The following TGM7 variants were observed in gnomAD, a reference collection of about 807,000 sequenced individuals.
TGM7 encodes the protein transglutaminase 7.
In TGM7, 74 loss-of-function variants were observed where a neutral mutation model predicts 79.5. The observed-to-expected ratio is 0.93, with a 90% CI of 0.77 to 1.13. The LOEUF is 1.13. Ranked by LOEUF, TGM7 falls within the 50% of genes most tolerant of loss-of-function variation. The pLI, the probability that TGM7 is intolerant of heterozygous loss-of-function variation, is 0.00. For synonymous variants in TGM7, 354 were observed against 362.5 expected, an observed-to-expected ratio of 0.98 and a Z score of 0.27; for missense variants, 912 against 905.9, an observed-to-expected ratio of 1.01 and a Z score of -0.09.
intron 1 of TGM7, among the ~76,000 whole-genome samples, chr15:43,295,472 C>T (rs2042987815): frequency 6.6e-6 from 1 of 152,162 alleles, no homozygotes; most frequent in African/African-American, 2.4e-5. Context: ...TGCCTGTGAT[C>T]CCAGCTTCTT....
At chr15:43,283,342 G>A (rs2042918951) in intron 7 of TGM7, among the ~76,000 whole-genome samples, 1 of 152,324 alleles carries the variant, frequency 6.6e-6, no homozygotes, top group South Asian at 2.1e-4. Flanking sequence ...CTCCCATGTG[G>A]TACGCGATGC....
At chr15:43,296,726 T>C (rs1319122130) in intron 1 of TGM7, among the ~76,000 whole-genome samples, 1 of 152,048 alleles carries the variant, frequency 6.6e-6, no homozygotes, top group Admixed American at 6.6e-5. Flanking sequence ...TTCTCTTAGT[T>C]TGGGAAAGAA....
At chr15:43,292,682 G>A (rs1378905497) in intron 3 of TGM7, 27 bp downstream of exon 3, 1 of 1,612,088 alleles carries the variant, frequency 6.2e-7, no homozygotes, top group Non-Finnish European at 8.5e-7. Flanking sequence ...GATCAGGTTA[G>A]CAATACAAGC....
At chr15:43,297,566 T>G (rs2043003602) in intron 1 of TGM7, among the ~76,000 whole-genome samples, 1 of 91,642 alleles carries the variant, frequency 1.1e-5, no homozygotes, top group Non-Finnish European at 2.3e-5. Flanking sequence ...AAAGGGACAT[T>G]GAAACAGCCA....
intron 10 of TGM7, 28 bp from the exon 11 acceptor site, chr15:43,279,305 T>C (rs1319343900): frequency 1.2e-6 from 2 of 1,608,402 alleles, no homozygotes; most frequent in South Asian, 1.1e-5. Flanking sequence ...ACACCTTGAG[T>C]CCAGGACATG....
chr15:43,286,126 G>A (rs144506683), intron 6 of TGM7, among the ~76,000 whole-genome samples: 58 of 152,332 alleles, frequency 3.8e-4, no homozygotes, highest in African/African-American at 1.3e-3. Context: ...AAGGCTTCCT[G>A]TCTGCAGTCA....
chr15:43,290,849 T>C (rs519923), intron 4 of TGM7, among the ~76,000 whole-genome samples: 69,858 of 151,662 alleles, frequency 0.46, 19,826 homozygotes, highest in African/African-American at 0.81. Context: ...AGTTCACTCA[T>C]GATTTGACTC....
At chr15:43,283,361 A>T (rs1443904507) in intron 7 of TGM7, among the ~76,000 whole-genome samples, 2 of 152,210 alleles carry the variant, frequency 1.3e-5, no homozygotes, top group African/African-American at 4.8e-5. Flanking sequence ...GCCGTCTGTG[A>T]TCACACACTG....
chr15:43,292,814 C>T lies in TGM7; in HGVS notation c.334G>A (p.Val112Ile). Residue 112 changes from valine to isoleucine, a missense_variant, in exon 3 of 13, where the codon GTT becomes ATT. Transcript: ENST00000452443. The stretch of plus-strand genomic sequence containing the variant: ...ATTTTCAGAGTGTAATGGCCAATAA[C>T]TGCATTGGCTGGTGTGAAAAGGGAA... The part of the protein sequence containing the change: ...QVSLFTPANA[V>I]IGHYTLKIEI... The T allele has an allele frequency of 6.2e-7, 1 of 1,614,164 alleles. No homozygotes were observed. Among genetic ancestry groups the T allele is most frequent in the East Asian group, 2.2e-5 (1 of 44,884 alleles).
intron 2 of TGM7, 55 bp downstream of exon 2, chr15:43,293,394 G>C: frequency 6.5e-7 from 1 of 1,533,416 alleles, no homozygotes; most frequent in Non-Finnish European, 8.8e-7. Context: ...GGCAGACTCT[G>C]TAAATGCCCT....
intron 4 of TGM7, among the ~76,000 whole-genome samples, chr15:43,291,044 A>G (rs1324960018): frequency 6.6e-6 from 1 of 152,202 alleles, no homozygotes; most frequent in Non-Finnish European, 1.5e-5. Flanking sequence ...TCCTAATTGA[A>G]TACCCTTTAT....
chr15:43,301,201 T>C (rs1423440501), intron 1 of TGM7, among the ~76,000 whole-genome samples: 1 of 151,920 alleles, frequency 6.6e-6, no homozygotes, highest in African/African-American at 2.4e-5. Context: ...CAGGCTGGTC[T>C]CGAACTCCTC....
chr15:43,299,925 A>T (rs570934780), intron 1 of TGM7, among the ~76,000 whole-genome samples: 1 of 152,304 alleles, frequency 6.6e-6, no homozygotes, highest in East Asian at 1.9e-4. Context: ...TAAAAGTTCA[A>T]GTCCAAACTC....
At position 43,276,550 on chromosome 15, in the gene TGM7, C is replaced by T. The variant is rs767470029; in HGVS notation, c.2038G>A (p.Gly680Arg). The change falls in exon 13 of 13, where the codon GGA becomes AGA. Residue 680 changes from glycine to arginine, a missense_variant. Gly to Arg is a moderately radical substitution (Grantham distance 125, BLOSUM62 -2). Coordinates refer to ENST00000452443, the MANE Select transcript of TGM7 (RefSeq NM_052955.3). ...ATGAGAACCTGGAGCTGGCGGGGTC[C>T]AGCTTTGGTCGGGTAGAGGTCCAGT... ...IQLDLYPTKA[G>R]PRQLQVLISS... is the part of the protein sequence containing the mutation. 5 of 1,614,110 alleles carry T rather than the reference C, an allele frequency of 3.1e-6. No homozygotes were observed. In the South Asian group the frequency reaches 3.3e-5, roughly 11 times the overall value.
intron 7 of TGM7, among the ~76,000 whole-genome samples, chr15:43,283,377 AG>A (rs2042919181): frequency 6.6e-6 from 1 of 152,216 alleles, no homozygotes; most frequent in African/African-American, 2.4e-5. Flanking sequence ...CACTGCATTC[AG>A]CTACGCAGAA....
chr15:43,285,037 G>T, intron 6 of TGM7, 85 bp from the exon 7 acceptor site: 1 of 1,538,938 alleles, frequency 6.5e-7, no homozygotes, highest in Non-Finnish European at 8.9e-7. Context: ...CTTTCAAGCT[G>T]GAGGAGAGAA....
In TGM7 at chr15:43,282,547, G is replaced by A; in HGVS notation, c.1078C>T (p.Leu360=). 6.3e-7 allele frequency: 1 copy of A among 1,599,018 alleles called. No individual in the cohort carries two copies. Among genetic ancestry groups the A allele is most frequent in the Non-Finnish European group, 8.5e-7 (1 of 1,172,244 alleles). Residue 360 remains leucine, a synonymous_variant, in exon 8 of 13, where the codon CTG becomes TTG. Coordinates refer to ENST00000452443, the MANE Select transcript of TGM7 (RefSeq NM_052955.3). ...LPPGYNGWQV[L]DPTPQQTSSG... ...CTGGTCTGCTGGGGAGTGGGGTCCAGAACCTGCCACCCGTTGTATCCTGGT... is the reference window on the plus strand; with the variant it reads ...CTGGTCTGCTGGGGAGTGGGGTCCAAAACCTGCCACCCGTTGTATCCTGGT...
At chr15:43,281,177 G>A (rs865809551) in intron 9 of TGM7, among the ~76,000 whole-genome samples, 9 of 152,232 alleles carry the variant, frequency 5.9e-5, no homozygotes, top group Non-Finnish European at 1.2e-4. Flanking sequence ...ACAGCCGTCC[G>A]AGGGACTGTT....
At chr15:43,281,758 T>C in intron 9 of TGM7, 86 bp downstream of exon 9, 2 of 1,559,586 alleles carry the variant, frequency 1.3e-6, no homozygotes, top group South Asian at 2.4e-5. Context: ...GATTCGATGG[T>C]GATGGTTTCA....
Sources: gnomAD v4.1 joint callset for allele counts (sites outside exome capture counted in the v4.1 genomes callset) on GRCh38, gnomAD v4.1.1 for gene constraint, MANE v1.5 for transcripts, NCBI Gene and HGNC (gene_info 2026-07-23, HGNC 2026-07-21) for gene names.